Variants in DYNC1LI1 observed in about 807,000 individuals in gnomAD.
DYNC1LI1 encodes the protein cytoplasmic dynein 1 light intermediate chain 1.
In DYNC1LI1, 19 loss-of-function variants were observed where a neutral mutation model predicts 63.8. The ratio of observed to expected loss-of-function variants is 0.30; its 90% CI spans 0.21 to 0.44. DYNC1LI1 has a LOEUF of 0.44. Among genes scored for constraint, DYNC1LI1 ranks in the 20% least tolerant of loss-of-function variants. The pLI is 1.00. For synonymous variants in DYNC1LI1, 225 were observed against 232.3 expected, an observed-to-expected ratio of 0.97 and a Z score of 0.28; for missense variants, 565 against 630.2, an observed-to-expected ratio of 0.90 and a Z score of 1.11.
At chr3:32,560,244 G>A (rs997752144) in intron 2 of DYNC1LI1, among the ~76,000 whole-genome samples, 3 of 152,072 alleles carry the variant, frequency 2.0e-5, no homozygotes, top group African/African-American at 4.8e-5. Flanking sequence ...AGACCAGCCT[G>A]GCCAACAATG....
intron 2 of DYNC1LI1, among the ~76,000 whole-genome samples, chr3:32,560,527 G>A (rs754979334): frequency 8.6e-5 from 13 of 152,016 alleles, no homozygotes; most frequent in Non-Finnish European, 1.5e-4. Flanking sequence ...ACATAATACG[G>A]TACCTAGCAG....
chr3:32,544,905 G>A lies in DYNC1LI1; in HGVS notation c.539C>T (p.Pro180Leu). 3 of 1,613,226 alleles carry A rather than the reference G, an allele frequency of 1.9e-6. No homozygotes were observed. Among genetic ancestry groups the A allele is most frequent in the East Asian group, 2.2e-5 (1 of 44,862 alleles). Residue 180 changes from proline (P) to leucine (L), a missense_variant, in exon 4 of 13, where the codon CCT (proline) becomes CTT (leucine). Physicochemically the swap from Pro to Leu is moderately conservative, Grantham distance 98. Coordinates refer to ENST00000273130, the MANE Select transcript of DYNC1LI1 (RefSeq NM_016141.4). Reference sequence around the variant, plus strand: ...TTGTTCCATTTGTTTCATTTCTTCAGGAGGGATTTTCAGTTTGTCAACATG... The same window carrying A: ...TTGTTCCATTTGTTTCATTTCTTCAAGAGGGATTTTCAGTTTGTCAACATG... ...REHVDKLKIPPEEMKQMEQKL... is the reference protein window; with the variant it reads ...REHVDKLKIPLEEMKQMEQKL...
intron 2 of DYNC1LI1, among the ~76,000 whole-genome samples, chr3:32,557,125 T>TC (rs1366373094): frequency 6.6e-6 from 1 of 152,162 alleles, no homozygotes; most frequent in Non-Finnish European, 1.5e-5. Context: ...TACTAAAAAC[T>TC]CCATCATGAA....
intron 2 of DYNC1LI1, 91 bp downstream of exon 2, chr3:32,570,255 C>T (rs1202067857): frequency 1.8e-6 from 2 of 1,082,472 alleles, no homozygotes; most frequent in Non-Finnish European, 2.7e-6. Flanking sequence ...GCCGGCTGTC[C>T]GCACAAAGAG....
chr3:32,557,643 G>A (rs1698132969), intron 2 of DYNC1LI1, among the ~76,000 whole-genome samples: 1 of 151,960 alleles, frequency 6.6e-6, no homozygotes, highest in African/African-American at 2.4e-5. Flanking sequence ...TTATTGTTTG[G>A]AAAACACAAC....
intron 8 of DYNC1LI1, chr3:32,530,857 T>A (rs1006939181): frequency 1.4e-4 from 32 of 226,812 alleles, no homozygotes; most frequent in Non-Finnish European, 2.7e-4. Flanking sequence ...ATGAGGCAAG[T>A]GGCTACCGTA....
intron 2 of DYNC1LI1, among the ~76,000 whole-genome samples, chr3:32,547,869 C>G (rs1480602646): frequency 6.6e-6 from 1 of 152,024 alleles, no homozygotes; most frequent in African/African-American, 2.4e-5. Context: ...TCCATCAACT[C>G]CATCAACAAA....
chr3:32,551,440 CAG>C (rs1698037703), intron 2 of DYNC1LI1, among the ~76,000 whole-genome samples: 1 of 152,162 alleles, frequency 6.6e-6, no homozygotes, highest in African/African-American at 2.4e-5. Flanking sequence ...TGAAAACAAA[CAG>C]TGGAGGCCAG....
chr3:32,563,564 T>G (rs1197584270), intron 2 of DYNC1LI1, among the ~76,000 whole-genome samples: 3 of 152,194 alleles, frequency 2.0e-5, no homozygotes, highest in Non-Finnish European at 4.4e-5. Flanking sequence ...AGTGCTGGAA[T>G]TACAGGCCTG....
At chr3:32,563,595 T>TA (rs1456910667) in intron 2 of DYNC1LI1, among the ~76,000 whole-genome samples, 6 of 152,192 alleles carry the variant, frequency 3.9e-5, no homozygotes, top group Non-Finnish European at 7.3e-5. Context: ...CCCGGCCACT[T>TA]AGACTTGTTA....
At chr3:32,539,634 C>G (rs1697850364) in intron 5 of DYNC1LI1, among the ~76,000 whole-genome samples, 1 of 151,558 alleles carries the variant, frequency 6.6e-6, no homozygotes, top group African/African-American at 2.4e-5. Flanking sequence ...CTCCCAGGTT[C>G]ACGCCATTCT....
At chr3:32,567,392 GGA>G (rs1177877463) in intron 2 of DYNC1LI1, among the ~76,000 whole-genome samples, 1 of 152,142 alleles carries the variant, frequency 6.6e-6, no homozygotes, top group African/African-American at 2.4e-5. Context: ...GGTTGTAGGA[GGA>G]GAGAGAATGT....
At chr3:32,539,453 A>AT (rs1222427218) in intron 5 of DYNC1LI1, among the ~76,000 whole-genome samples, 1 of 152,120 alleles carries the variant, frequency 6.6e-6, no homozygotes, top group Non-Finnish European at 1.5e-5. Context: ...ATGTTCTGTC[A>AT]TTTTCTTAAC....
intron 2 of DYNC1LI1, among the ~76,000 whole-genome samples, chr3:32,546,224 A>G (rs1697950866): frequency 6.6e-6 from 1 of 152,142 alleles, no homozygotes; most frequent in African/African-American, 2.4e-5. Flanking sequence ...CCTGGCCAAC[A>G]TGGTGAAACC....
intron 5 of DYNC1LI1, among the ~76,000 whole-genome samples, chr3:32,537,427 AACT>A (rs1340817967): frequency 6.6e-6 from 1 of 152,132 alleles, no homozygotes; most frequent in African/African-American, 2.4e-5. Context: ...CTAATAACTC[AACT>A]ACTTATAACC....
rs183663455 is a variant in DYNC1LI1 at position 32,534,693 on chromosome 3, A to G, written c.833-47T>C. 602 of 1,412,522 alleles carry G rather than the reference A, an allele frequency of 4.3e-4. 5 individuals are homozygous for G. In the African/African-American group the frequency reaches 7.9e-3, roughly 18 times the overall value. 87.5% of individuals were successfully genotyped at this position (1,412,522 alleles called of 1,614,324 possible). On this transcript the variant is annotated intron_variant, in intron 6 of 12. Coordinates refer to ENST00000273130, the MANE Select transcript of DYNC1LI1 (RefSeq NM_016141.4). ...AAATTCTGGACAAATGTCATGAGCA[A>G]ATACCATAAAATTCTGTGTTTTCAG...
intron 2 of DYNC1LI1, among the ~76,000 whole-genome samples, chr3:32,556,104 T>C (rs1221370744): frequency 6.6e-6 from 1 of 152,226 alleles, no homozygotes; most frequent in Non-Finnish European, 1.5e-5. Flanking sequence ...ACAATTTCTT[T>C]CAGGAACTTC....
intron 4 of DYNC1LI1, among the ~76,000 whole-genome samples, chr3:32,544,509 C>G (rs1204755861): frequency 6.6e-6 from 1 of 152,170 alleles, no homozygotes; most frequent in Admixed American, 6.5e-5. Flanking sequence ...GTGGCTCACG[C>G]CTGTAATCCC....
At chr3:32,526,969 C>A in intron 12 of DYNC1LI1, 61 bp from the exon 13 acceptor site, 2 of 1,142,142 alleles carry the variant, frequency 1.8e-6, no homozygotes, top group Non-Finnish European at 1.3e-6. Context: ...TCGTTTTCAC[C>A]AATATCTCTT....
Sources: gnomAD v4.1 joint callset for allele counts (sites outside exome capture counted in the v4.1 genomes callset) on GRCh38, gnomAD v4.1.1 for gene constraint, MANE v1.5 for transcripts, NCBI Gene and HGNC (gene_info 2026-07-23, HGNC 2026-07-21) for gene names.